Variants in HPSE observed in about 807,000 individuals in gnomAD.
HPSE encodes heparanase.
A neutral mutation model predicts 65.1 loss-of-function variants in HPSE; 48 were observed. The observed-to-expected ratio is 0.74, with a 90% CI of 0.58 to 0.94. The LOEUF is 0.94. Among genes scored for constraint, HPSE ranks in the 40% least tolerant of loss-of-function variants. The pLI is 0.00. For synonymous variants in HPSE, 243 were observed against 260.0 expected, an observed-to-expected ratio of 0.93 and a Z score of 0.63; for missense variants, 644 against 637.5, an observed-to-expected ratio of 1.01 and a Z score of -0.11.
intron 1 of HPSE, among the ~76,000 whole-genome samples, chr4:83,323,963 C>T (rs1476797065): frequency 2.0e-5 from 3 of 152,148 alleles, no homozygotes; most frequent in African/African-American, 7.2e-5. Flanking sequence ...ACATGCAATG[C>T]TGGCCACACT....
chr4:83,333,600 G>A (rs565014107), intron 1 of HPSE, among the ~76,000 whole-genome samples: 1 of 152,200 alleles, frequency 6.6e-6, no homozygotes, highest in Non-Finnish European at 1.5e-5. Flanking sequence ...GATTGTCCCT[G>A]TAGCTCCCCA....
chr4:83,293,397 T>G lies in HPSE; in HGVS notation c.*1947A>C, dbSNP rs1447889728. 1.3e-5 allele frequency: 2 copies of G among 152,244 alleles called. No homozygotes were observed. Among genetic ancestry groups the G allele is most frequent in the Admixed American group, 1.3e-4 (2 of 15,282 alleles). 9.4% of individuals were successfully genotyped at this position (152,244 alleles called of 1,614,324 possible). A position where few individuals can be genotyped will look rare whatever the true frequency, so the allele number is the denominator to read the frequency against. On this transcript the variant is annotated 3_prime_UTR_variant, in exon 12 of 12. Coordinates refer to ENST00000311412, the MANE Select transcript of HPSE (RefSeq NM_001098540.3). ...GCCCATGAAACAGCTACAGCCATCA[T>G]GCTACCAGAGTCTGAGAATGAAGCC...
intron 11 of HPSE, among the ~76,000 whole-genome samples, chr4:83,300,695 G>A (rs1275549987): frequency 7.0e-5 from 5 of 71,012 alleles, no homozygotes; most frequent in African/African-American, 1.8e-4. Flanking sequence ...GGCGCCTGTA[G>A]TCCCAGCTAC....
chr4:83,334,495 G>A (rs980110596), intron 1 of HPSE, 61 bp downstream of exon 1: 4 of 1,476,512 alleles, frequency 2.7e-6, no homozygotes, highest in Admixed American at 4.8e-5. Flanking sequence ...AGCGGCTGGC[G>A]GGGCAGACAT....
At chr4:83,325,997 G>A (rs1372329481) in intron 1 of HPSE, among the ~76,000 whole-genome samples, 1 of 152,120 alleles carries the variant, frequency 6.6e-6, no homozygotes, top group Non-Finnish European at 1.5e-5. Context: ...ACATCACGGA[G>A]GGCCCCGTAA....
Position 83,301,113 on chromosome 4 carries a change from G to A in HPSE, c.1326-7C>T, listed in dbSNP as rs1430864740. 1.9e-6 allele frequency: 3 copies of A among 1,552,052 alleles called. No homozygotes were observed. Among genetic ancestry groups the A allele is most frequent in the African/African-American group, 2.8e-5 (2 of 71,396 alleles). On this transcript the variant is annotated splice_polypyrimidine_tract_variant and splice_region_variant and intron_variant, in intron 10 of 11. Transcript: ENST00000311412. ...TCCTTCTTTATACCTTGGACTAAAA[G>A]CAAAGAGGTTAACTTAATAGAAATA...
intron 6 of HPSE, 82 bp downstream of exon 6, chr4:83,309,949 A>T: frequency 1.0e-6 from 1 of 966,102 alleles, no homozygotes; most frequent in Non-Finnish European, 1.6e-6. Flanking sequence ...ATTGGCAGTT[A>T]AATGAACTAA....
Position 83,301,057 on chromosome 4 carries a change from T to C in HPSE, c.1375A>G (p.Asn459Asp), listed in dbSNP as rs757585992. Residue 459 changes from asparagine (N) to aspartate (D), a missense_variant, in exon 11 of 12, where the codon AAT (asparagine) becomes GAT (aspartate). Transcript: ENST00000311412. ...GGTAACCGCAAGTACTTGGTGACAT[T>C]ATGGAGGTTTATGGCATACAGAGTT... ...DLTLYAINLH[N>D]VTKYLRLPYP... The C allele has an allele frequency of 6.2e-7, 1 of 1,606,952 alleles. No individual in the cohort carries two copies. Among genetic ancestry groups the C allele is most frequent in the East Asian group, 2.2e-5 (1 of 44,620 alleles).
In HPSE at chr4:83,319,308, G is replaced by T. The variant is rs116456108; in HGVS notation, c.499+36C>A. 1.7e-3 allele frequency: 2,789 copies of T among 1,609,386 alleles called. 46 individuals are homozygous for T. The African/African-American group carries it at 0.033, about 19-fold the overall frequency. ...GTCCAACCTATTCAAATATCTTTGG[G>T]GCTGGAACATCTCTAGGGTGCCTTT... On this transcript the variant is annotated intron_variant, in intron 3 of 11. Transcript: ENST00000311412.
chr4:83,293,460 C>T lies in HPSE; in HGVS notation c.*1884G>A, dbSNP rs1398811681. ...GGCAGAGCAGAGAGCTGGGAAGAAC[C>T]CAGATCCCTGGTGACGTACTGAAGT... On this transcript the variant is annotated 3_prime_UTR_variant, in exon 12 of 12. Transcript: ENST00000311412. 2 of 152,188 alleles carry T rather than the reference C, an allele frequency of 1.3e-5. No homozygotes were observed. Among genetic ancestry groups the T allele is most frequent in the African/African-American group, 2.4e-5 (1 of 41,434 alleles). The allele number at this position is 152,188 out of a possible 1,614,324, so 9.4% of individuals were successfully genotyped here.
intron 11 of HPSE, among the ~76,000 whole-genome samples, chr4:83,299,373 A>T: frequency 6.8e-6 from 1 of 147,976 alleles, no homozygotes; most frequent in Admixed American, 6.7e-5. Flanking sequence ...CAAAAAAAAA[A>T]AAAAAAAAAA....
In HPSE at chr4:83,309,059, C is replaced by T. The variant is rs115981266; in HGVS notation, c.985-108G>A. 3.5e-3 allele frequency: 2,688 copies of T among 768,552 alleles called. 50 individuals are homozygous for T. The African/African-American group carries it at 0.043, about 12-fold the overall frequency. 47.6% of individuals were successfully genotyped at this position (768,552 alleles called of 1,614,324 possible). On this transcript the variant is annotated intron_variant, in intron 7 of 11. Transcript: ENST00000311412. ...CAAAACTTTGTATTCCTAGACCCAC[C>T]CCTCCTATATAGTTATAAAATATGT...
At chr4:83,300,022 C>A (rs1419625337) in intron 11 of HPSE, among the ~76,000 whole-genome samples, 3 of 152,072 alleles carry the variant, frequency 2.0e-5, no homozygotes, top group African/African-American at 4.8e-5. Context: ...TTTTTATGCT[C>A]CAATATGAGA....
chr4:83,328,356 C>T (rs1026030758), intron 1 of HPSE, among the ~76,000 whole-genome samples: 2 of 152,198 alleles, frequency 1.3e-5, no homozygotes, highest in East Asian at 1.9e-4. Flanking sequence ...TCCCTATGTG[C>T]GTGTCTGTCT....
intron 9 of HPSE, among the ~76,000 whole-genome samples, chr4:83,304,819 T>C (rs957359339): frequency 2.2e-4 from 34 of 152,304 alleles, no homozygotes; most frequent in African/African-American, 8.2e-4. Context: ...GAATCAATGT[T>C]TTCAAAGGAG....
At chr4:83,321,273 T>C (rs1233445117) in intron 2 of HPSE, among the ~76,000 whole-genome samples, 2 of 152,206 alleles carry the variant, frequency 1.3e-5, no homozygotes, top group East Asian at 1.9e-4. Context: ...CATCTGTCTT[T>C]TTCTATTTTC....
chr4:83,334,772 C>T lies in HPSE; in HGVS notation c.11G>A (p.Arg4His). The T allele has an allele frequency of 6.5e-7, 1 of 1,545,852 alleles. No individual in the cohort carries two copies. The highest frequency in any genetic ancestry group is 8.7e-7 in the Non-Finnish European group (1 of 1,144,902). Residue 4 changes from arginine (R) to histidine (H), a missense_variant, in exon 1 of 12, where the codon CGC becomes CAC. Physicochemically the swap from Arg to His is conservative, Grantham distance 29. Coordinates refer to ENST00000311412, the MANE Select transcript of HPSE (RefSeq NM_001098540.3). MLLRSKPALPPPLM... is the reference protein window; with the variant it reads MLLHSKPALPPPLM... ...CGGCGGCGGCAGCGCAGGCTTCGAG[C>T]GCAGCAGCATCTTGGGCTCACCTGG...
At chr4:83,334,026 C>G (rs910902830) in intron 1 of HPSE, among the ~76,000 whole-genome samples, 1 of 152,206 alleles carries the variant, frequency 6.6e-6, no homozygotes, top group Non-Finnish European at 1.5e-5. Flanking sequence ...TAGGGAAGTA[C>G]TGGGGCAAGT....
chr4:83,310,340 G>A (rs1736318242), intron 5 of HPSE, among the ~76,000 whole-genome samples: 1 of 149,840 alleles, frequency 6.7e-6, no homozygotes, highest in Non-Finnish European at 1.5e-5. Flanking sequence ...GACTATTGAG[G>A]ATTGTCTACC....
Sources: gnomAD v4.1 joint callset for allele counts (sites outside exome capture counted in the v4.1 genomes callset) on GRCh38, gnomAD v4.1.1 for gene constraint, MANE v1.5 for transcripts, NCBI Gene and HGNC (gene_info 2026-07-23, HGNC 2026-07-21) for gene names.